SDAD1: variants seen among roughly 807,000 people sequenced by gnomAD.
The protein encoded by SDAD1 is protein SDA1 homolog.
Under a neutral mutation model 100.3 loss-of-function variants are expected in SDAD1, and 79 were observed. The ratio of observed to expected loss-of-function variants is 0.79; its 90% confidence interval spans 0.66 to 0.95. The LOEUF is 0.95. Ranked by LOEUF, SDAD1 falls within the 40% of genes least tolerant of loss-of-function variation. The probability of loss-of-function intolerance (pLI) is 0.00; values close to 1 mark genes in which losing one functional copy is unlikely to be tolerated. For synonymous variants in SDAD1, 267 were observed against 271.4 expected (o/e 0.98, Z 0.16); for missense variants, 790 against 810.9 (o/e 0.97, Z 0.31).
At chr4:75,984,778 A>ACACACACAC (rs1730779567) in intron 1 of SDAD1, among the ~76,000 whole-genome samples, 75 of 137,022 alleles carry the variant, frequency 5.5e-4, no homozygotes, top group South Asian at 2.0e-3. Flanking sequence ...CACACACACA[A>ACACACACAC]ACACACACAC....
Position 75,973,338 on chromosome 4 carries a change from C to T in SDAD1, c.690G>A (p.Gln230=), listed in dbSNP as rs1182363023. The part of the protein sequence containing the change: ...FFLGKDEDEK[Q]DSDSESEDDG... ...TAACCTCAGATTCGGAGTCACTGTC[C>T]TGTTTTTCATCTTCATCTTTCCCAA... Residue 230 remains glutamine, a synonymous_variant, in exon 8 of 22, where the codon CAG becomes CAA. Transcript: ENST00000356260. The T allele has an allele frequency of 6.2e-7, 1 of 1,613,592 alleles. No individual in the cohort carries two copies. The highest frequency in any genetic ancestry group is 8.5e-7 in the Non-Finnish European group (1 of 1,179,718).
chr4:75,969,134 G>A (rs1217007864), intron 11 of SDAD1, among the ~76,000 whole-genome samples, 162 bp downstream of exon 11: 1 of 151,152 alleles, frequency 6.6e-6, no homozygotes, highest in African/African-American at 2.4e-5. Flanking sequence ...AAAATGAAGT[G>A]ATAAAAATAG....
chr4:75,966,264 GCA>G (rs201037513), intron 12 of SDAD1, among the ~76,000 whole-genome samples: 4,673 of 107,756 alleles, frequency 0.043, 148 homozygotes, highest in African/African-American at 0.13. Flanking sequence ...CTGAATGAAT[GCA>G]TACACACACA....
At position 75,950,336 on chromosome 4, in the gene SDAD1, T is replaced by A. The variant is rs1487055579; in HGVS notation, c.*414A>T. ...CCTCACAGAGTTAGTCCATAAGGCC[T>A]CAGTGACCTCACAGAAATATGGAGT... On this transcript the variant is annotated 3_prime_UTR_variant, in exon 22 of 22. Coordinates refer to ENST00000356260, the MANE Select transcript of SDAD1 (RefSeq NM_018115.4). The A allele has an allele frequency of 6.2e-6, 1 of 160,174 alleles. No individual in the cohort carries two copies. Among genetic ancestry groups the A allele is most frequent in the Non-Finnish European group, 1.4e-5 (1 of 72,454 alleles). The allele number at this position is 160,174 out of a possible 1,614,324, so 9.9% of individuals were successfully genotyped here. A position where few individuals can be genotyped will look rare whatever the true frequency, so the allele number is the denominator to read the frequency against.
Position 75,970,333 on chromosome 4 carries a change from T to C in SDAD1, c.859A>G (p.Ile287Val), listed in dbSNP as rs1202673124. The C allele has an allele frequency of 2.5e-6, 4 of 1,614,008 alleles. No individual in the cohort carries two copies. Among genetic ancestry groups the C allele is most frequent in the East Asian group, 4.5e-5 (2 of 44,860 alleles). ...CCTTGGGGATCATGAATCAAGTGAATGGCTGAAAAGTTAAACACCTCTGGT... is the reference window on the plus strand; with the variant it reads ...CCTTGGGGATCATGAATCAAGTGAACGGCTGAAAAGTTAAACACCTCTGGT... Reference protein sequence around the residue: ...KKPEVFNFSAIHLIHDPQDFA... With the variant: ...KKPEVFNFSAVHLIHDPQDFA... The change falls in exon 10 of 22, where the codon ATT (isoleucine) becomes GTT (valine). Residue 287 changes from isoleucine (I) to valine (V), a missense_variant. Physicochemically the swap from Ile to Val is conservative, Grantham distance 29. Transcript: ENST00000356260.
intron 10 of SDAD1, 30 bp from the exon 11 acceptor site, chr4:75,969,429 T>C (rs747121234): frequency 4.2e-6 from 6 of 1,435,768 alleles, no homozygotes; most frequent in Non-Finnish European, 5.9e-6. Flanking sequence ...AGAAGTACAT[T>C]GTGAGTCTAT....
At position 75,981,926 on chromosome 4, in the gene SDAD1, T is replaced by A; in HGVS notation, c.195+7A>T. The A allele has an allele frequency of 6.3e-7, 1 of 1,586,504 alleles. No homozygotes were observed. The highest frequency in any genetic ancestry group is 8.6e-7 in the Non-Finnish European group (1 of 1,160,440). ...ACTGGTCTTTATTTAAGCAATTATA[T>A]TCTTACCTGTGCCATAAACATCACC... is the stretch of plus-strand genomic sequence containing the variant. On this transcript the variant is annotated splice_region_variant and intron_variant, in intron 2 of 21. Transcript: ENST00000356260.
intron 17 of SDAD1, among the ~76,000 whole-genome samples, chr4:75,959,110 A>C (rs1479107887): frequency 0.011 from 1,623 of 145,408 alleles, 92 homozygotes; most frequent in African/African-American, 0.04. Context: ...AAAAAAAAAA[A>C]AAAAAAAAAA....
At chr4:75,967,984 A>G (rs1304051972) in intron 11 of SDAD1, among the ~76,000 whole-genome samples, 6 of 152,220 alleles carry the variant, frequency 3.9e-5, no homozygotes, top group African/African-American at 1.2e-4. Context: ...TTTTCAAGGT[A>G]TATCAGTTAG....
In SDAD1 at chr4:75,957,562, G is replaced by C. The variant is rs1728969733; in HGVS notation, c.1725C>G (p.Ser575=). Residue 575 remains serine (S), a synonymous_variant, in exon 19 of 22, where the codon TCC becomes TCG. Coordinates refer to ENST00000356260, the MANE Select transcript of SDAD1 (RefSeq NM_018115.4). ...CTATTTCAATGTATTTCCTCTTCTG[G>C]GATTTCCCGGGGGCAGCATCAAGTT... The part of the protein sequence containing the change: ...RKELDAAPGK[S]QKRKYIEIDS... The C allele has an allele frequency of 6.2e-7, 1 of 1,614,080 alleles. No individual in the cohort carries two copies. Among genetic ancestry groups the C allele is most frequent in the Non-Finnish European group, 8.5e-7 (1 of 1,180,028 alleles).
chr4:75,974,084 C>T lies in SDAD1; in HGVS notation c.628G>A (p.Val210Ile), dbSNP rs778117490. ...NVITTACFSK[V>I]TKILVAALTF... ...GCCCTATAGGTGCTCACCTTGGTGA[C>T]CTTAGAGAAACATGCAGTTGTGATA... is the stretch of plus-strand genomic sequence containing the variant. The change falls in exon 7 of 22, where the codon GTC becomes ATC. Residue 210 changes from valine to isoleucine, a missense_variant. By Grantham distance (29) the Val-to-Ile change is conservative. Coordinates refer to ENST00000356260, the MANE Select transcript of SDAD1 (RefSeq NM_018115.4). 2 of 1,613,596 alleles carry T rather than the reference C, an allele frequency of 1.2e-6. No homozygotes were observed. The highest frequency in any genetic ancestry group is 2.2e-5 in the South Asian group (2 of 91,070).
intron 3 of SDAD1, among the ~76,000 whole-genome samples, chr4:75,979,887 G>A (rs1730399773): frequency 6.6e-6 from 1 of 151,734 alleles, no homozygotes; most frequent in Admixed American, 6.6e-5. Flanking sequence ...CTGCAGTGTA[G>A]TGGCTATTCA....
At chr4:75,974,991 A>G (rs1017022225) in intron 6 of SDAD1, among the ~76,000 whole-genome samples, 5 of 152,038 alleles carry the variant, frequency 3.3e-5, no homozygotes, top group Admixed American at 2.0e-4. Context: ...GCAGTGAGCC[A>G]AGATCATGCC....
At chr4:75,954,182 C>T (rs192437265) in intron 21 of SDAD1, among the ~76,000 whole-genome samples, 2,927 of 152,080 alleles carry the variant, frequency 0.019, 31 homozygotes, top group Non-Finnish European at 0.028. Context: ...GAGATCAAGA[C>T]CATCCTGGCT....
chr4:75,989,577 C>T (rs1301230855), intron 1 of SDAD1, among the ~76,000 whole-genome samples: 1 of 152,216 alleles, frequency 6.6e-6, no homozygotes, highest in Non-Finnish European at 1.5e-5. Flanking sequence ...AAAATACCCA[C>T]ATAGGCTCAG....
intron 1 of SDAD1, among the ~76,000 whole-genome samples, chr4:75,982,908 C>T (rs1459816785): frequency 6.6e-6 from 1 of 151,968 alleles, no homozygotes; most frequent in Non-Finnish European, 1.5e-5. Flanking sequence ...AACCTGTCAT[C>T]CACATTAGGT....
Position 75,981,393 on chromosome 4 carries a change from T to A in SDAD1, c.273A>T (p.Val91=). 1.9e-6 allele frequency: 3 copies of A among 1,613,900 alleles called. No homozygotes were observed. In the South Asian group the frequency reaches 3.3e-5, roughly 18 times the overall value. ...VKDLLSCNHT[V]LDPDLRMTFC... is the part of the protein sequence containing the mutation. ...CTACCATTCGCAGATCTGGATCCAA[T>A]ACGGTATGATTGCAGGAGAGAAGAT... Residue 91 remains valine, a synonymous_variant, in exon 3 of 22, where the codon GTA becomes GTT. Coordinates refer to ENST00000356260, the MANE Select transcript of SDAD1 (RefSeq NM_018115.4).
At chr4:75,971,802 G>A (rs542244519) in intron 8 of SDAD1, among the ~76,000 whole-genome samples, 269 of 152,254 alleles carry the variant, frequency 1.8e-3, no homozygotes, top group African/African-American at 6.3e-3. Context: ...AGCCCAGAAG[G>A]GGGAAGTTAC....
At chr4:75,976,401 T>C (rs1397501385) in intron 4 of SDAD1, among the ~76,000 whole-genome samples, 3 of 152,224 alleles carry the variant, frequency 2.0e-5, no homozygotes, top group African/African-American at 7.2e-5. Context: ...AGGAATAAAG[T>C]ACTGATACGT....
Sources: gnomAD v4.1 joint callset for allele counts (sites outside exome capture counted in the v4.1 genomes callset) on GRCh38, gnomAD v4.1.1 for gene constraint, MANE v1.5 for transcripts, NCBI Gene and HGNC (gene_info 2026-07-23, HGNC 2026-07-21) for gene names.